Variants in DCC observed in about 807,000 individuals in gnomAD.
DCC encodes the protein DCC netrin 1 receptor, also known as netrin receptor DCC.
DCC carries 58 observed loss-of-function variants against 172.5 expected under a neutral mutation model. That is an observed-to-expected ratio of 0.34 (90% CI 0.27 to 0.42). The LOEUF is 0.42. Ranked by LOEUF, DCC falls within the 10% of genes least tolerant of loss-of-function variation. DCC has a pLI of 1.00. For missense variants in DCC, 1,740 were observed against 1,791.0 expected (o/e 0.97, Z 0.51); for synonymous variants, 709 against 644.5 (o/e 1.10, Z -1.52).
intron 1 of DCC, among the ~76,000 whole-genome samples, chr18:52,361,455 T>C (rs1287892511): frequency 6.6e-6 from 1 of 152,208 alleles, no homozygotes; most frequent in East Asian, 1.9e-4. Flanking sequence ...CTTTGTTATT[T>C]AGACAACAAA....
chr18:52,730,251 G>A (rs1258832707), intron 1 of DCC, among the ~76,000 whole-genome samples: 1 of 152,074 alleles, frequency 6.6e-6, no homozygotes, highest in Non-Finnish European at 1.5e-5. Context: ...GAAGGGAAAG[G>A]TACTGGGATC....
intron 12 of DCC, among the ~76,000 whole-genome samples, chr18:53,236,092 T>C (rs2056199096): frequency 6.6e-6 from 1 of 152,108 alleles, no homozygotes; most frequent in Non-Finnish European, 1.5e-5. Flanking sequence ...TTGTCTCGTG[T>C]AGATATTTAG....
intron 19 of DCC, among the ~76,000 whole-genome samples, chr18:53,408,963 A>C (rs1329930398): frequency 1.3e-5 from 2 of 152,232 alleles, no homozygotes; most frequent in East Asian, 3.8e-4. Flanking sequence ...TCTATAAGGC[A>C]CTATGGGATT....
chr18:53,486,806 G>A lies in DCC; in HGVS notation c.3746G>A (p.Ser1249Asn), dbSNP rs774093527. ...CCTTTTTCTTTTGCAGCTGTCGTGAGCGCCATCCCGGTGCCAACGCTAGAA... is the reference window on the plus strand; with the variant it reads ...CCTTTTTCTTTTGCAGCTGTCGTGAACGCCATCCCGGTGCCAACGCTAGAA... ...DAQSNNPAVV[S>N]AIPVPTLESA... The change falls in exon 26 of 29, where the codon AGC (serine) becomes AAC (asparagine). Residue 1249 changes from serine to asparagine, a missense_variant. Transcript: ENST00000442544. 3.1e-5 allele frequency: 50 copies of A among 1,613,974 alleles called. No individual in the cohort carries two copies. The Admixed American group carries it at 8.3e-4, about 27-fold the overall frequency.
At chr18:52,917,880 G>C (rs2040064217) in intron 3 of DCC, among the ~76,000 whole-genome samples, 1 of 152,126 alleles carries the variant, frequency 6.6e-6, no homozygotes, top group South Asian at 2.1e-4. Flanking sequence ...AATCGATTTA[G>C]AAAAATAGTT....
intron 8 of DCC, among the ~76,000 whole-genome samples, chr18:53,160,492 C>T (rs1265598109): frequency 6.6e-5 from 10 of 152,194 alleles, no homozygotes; most frequent in African/African-American, 2.4e-4. Flanking sequence ...CTGCTACTCT[C>T]ATTTCATATT....
chr18:53,061,176 G>A (rs936487891), intron 5 of DCC, among the ~76,000 whole-genome samples: 2 of 152,106 alleles, frequency 1.3e-5, no homozygotes, highest in African/African-American at 4.8e-5. Context: ...CACTCGCAGT[G>A]AGAGAAGGAC....
intron 15 of DCC, among the ~76,000 whole-genome samples, chr18:53,356,420 A>T (rs2057878503): frequency 6.6e-6 from 1 of 152,006 alleles, no homozygotes. Context: ...TCGTGTTTTT[A>T]AAATATTCTT....
chr18:52,400,379 T>A (rs1027573512), intron 1 of DCC, among the ~76,000 whole-genome samples: 5 of 151,948 alleles, frequency 3.3e-5, no homozygotes, highest in Admixed American at 2.0e-4. Context: ...AGGAATCAGT[T>A]CAAAAGTCAA....
chr18:53,071,640 T>A (rs1450721880), intron 7 of DCC, among the ~76,000 whole-genome samples: 1 of 152,154 alleles, frequency 6.6e-6, no homozygotes, highest in Admixed American at 6.5e-5. Context: ...GTTAATTCAG[T>A]TTAGTTGATT....
chr18:53,007,911 C>G (rs1005902889), intron 5 of DCC, among the ~76,000 whole-genome samples: 1 of 152,098 alleles, frequency 6.6e-6, no homozygotes, highest in Non-Finnish European at 1.5e-5. Flanking sequence ...CATTCAAATG[C>G]TGGTGATTTG....
At chr18:52,971,511 G>A (rs559456559) in intron 5 of DCC, among the ~76,000 whole-genome samples, 4,929 of 148,640 alleles carry the variant, frequency 0.033, 104 homozygotes, top group African/African-American at 0.046. Context: ...GTGTGTGCGC[G>A]CACACACACA....
rs542228337 is a variant in DCC at position 53,387,027 on chromosome 18, C to T, written c.2455+889C>T. ...AATCTGCCCCCTCACACCCTTCGGA[C>T]GTCGTTTAACTTGTCAGATATTGTC... On this transcript the variant is annotated intron_variant, in intron 16 of 28. Transcript: ENST00000442544. 1.2e-4 allele frequency among the ~76,000 whole-genome samples: 19 copies of T among 152,272 alleles called. No homozygotes were observed. The East Asian group carries it at 3.1e-3, about 25-fold the overall frequency.
intron 19 of DCC, among the ~76,000 whole-genome samples, chr18:53,408,173 A>T (rs915699046): frequency 2.4e-4 from 36 of 151,716 alleles, no homozygotes; most frequent in Non-Finnish European, 4.6e-4. Context: ...GTTACCCTTG[A>T]CCTGTAGTAT....
intron 1 of DCC, among the ~76,000 whole-genome samples, chr18:52,545,500 G>T (rs7227557): frequency 5.3e-5 from 8 of 151,986 alleles, no homozygotes; most frequent in Admixed American, 1.3e-4. Context: ...CAGAACTTTT[G>T]TTATGGGAAA....
At chr18:52,877,808 G>A (rs1305197604) in intron 2 of DCC, among the ~76,000 whole-genome samples, 1 of 27,610 alleles carries the variant, frequency 3.6e-5, no homozygotes, top group South Asian at 1.5e-3. Context: ...GAAGTCATGA[G>A]ATTAAAAAAA....
chr18:53,361,697 C>T (rs1389626110), intron 15 of DCC, among the ~76,000 whole-genome samples: 2 of 152,122 alleles, frequency 1.3e-5, no homozygotes, highest in East Asian at 3.8e-4. Context: ...ATCCTATCTA[C>T]CTTTTTTGTA....
At chr18:53,211,845 C>G (rs989560181) in intron 11 of DCC, among the ~76,000 whole-genome samples, 1 of 151,982 alleles carries the variant, frequency 6.6e-6, no homozygotes, top group South Asian at 2.1e-4. Flanking sequence ...GCCAGAAGTT[C>G]GAGAACAGTC....
intron 27 of DCC, among the ~76,000 whole-genome samples, chr18:53,523,501 AC>A (rs759272755): frequency 5.4e-4 from 82 of 152,298 alleles, no homozygotes; most frequent in Non-Finnish European, 8.2e-4. Context: ...AAGACTTGGA[AC>A]CAACCCAAAT....
Sources: allele counts gnomAD v4.1 joint callset (sites outside exome capture counted in the v4.1 genomes callset), GRCh38; gene constraint gnomAD v4.1.1; transcripts MANE v1.5; gene names NCBI Gene and HGNC (gene_info 2026-07-23, HGNC 2026-07-21).